The following PARP9 variants were observed in gnomAD, a reference collection of about 807,000 sequenced individuals.
The protein encoded by PARP9 is protein mono-ADP-ribosyltransferase PARP9.
In PARP9, 48 loss-of-function variants were observed where a neutral mutation model predicts 68.8. That is an observed-to-expected ratio of 0.70 (90% confidence interval 0.55 to 0.89). The LOEUF (loss-of-function observed/expected upper bound fraction) is 0.89, where lower values mean the gene tolerates loss of function less well. Ranked by LOEUF, PARP9 falls within the 40% of genes least tolerant of loss-of-function variation. PARP9 has a pLI of 0.00. For missense variants in PARP9, 806 were observed against 969.3 expected (o/e 0.83, Z 2.24); for synonymous variants, 309 against 333.8 (o/e 0.93, Z 0.81).
At position 122,536,251 on chromosome 3, in the gene PARP9, T is replaced by C. The variant is rs558459007; in HGVS notation, c.1997A>G (p.His666Arg). The C allele has an allele frequency of 1.7e-5, 27 of 1,614,220 alleles. No homozygotes were observed. The highest frequency in any genetic ancestry group is 1.6e-4 in the South Asian group (15 of 91,090). Residue 666 changes from histidine (H) to arginine (R), a missense_variant, in exon 10 of 11, where the codon CAT (histidine) becomes CGT (arginine). By Grantham distance (29) the His-to-Arg change is conservative. Around this residue, in one of 2 missense-constraint regions of PARP9, gnomAD observed 680 missense variants for 858.8 expected, o/e 0.79. Coordinates refer to ENST00000682323, the MANE Select transcript of PARP9 (RefSeq NM_001146105.2). The stretch of plus-strand genomic sequence containing the variant: ...GTATGGGACTTGCTGAAACAGCCTA[T>C]GGCTCACAGGTTGCCTGTGCAGTTT... ...EEKLHRQPVS[H>R]RLFQQVPYQF...
intron 3 of PARP9, 135 bp downstream of exon 3, chr3:122,558,299 G>T: frequency 6.2e-7 from 1 of 1,606,686 alleles, no homozygotes; most frequent in Non-Finnish European, 8.5e-7. Flanking sequence ...GCATGTGCGG[G>T]GGTCCCCACA....
At position 122,540,647 on chromosome 3, in the gene PARP9, A is replaced by G. The variant is rs2078133636; in HGVS notation, c.1590T>C (p.Leu530=). The change falls in exon 8 of 11, where the codon CTT becomes CTC. Residue 530 remains leucine (L), a synonymous_variant. Coordinates refer to ENST00000682323, the MANE Select transcript of PARP9 (RefSeq NM_001146105.2). ...GRKEHDILSQ[L]QKTSSVSITE... is the part of the protein sequence containing the mutation. Reference sequence around the variant, plus strand: ...TGATGGAGACACTTGAAGTTTTCTGAAGCTGAGACAAAATGTCATGTTCCT... The same window carrying G: ...TGATGGAGACACTTGAAGTTTTCTGGAGCTGAGACAAAATGTCATGTTCCT... 1 of 1,614,154 alleles carries G rather than the reference A, an allele frequency of 6.2e-7. No individual in the cohort carries two copies. Among genetic ancestry groups the G allele is most frequent in the East Asian group, 2.2e-5 (1 of 44,876 alleles).
At position 122,544,245 on chromosome 3, in the gene PARP9, A is replaced by G. The variant is rs547517448; in HGVS notation, c.1384+1187T>C. ...CATCTCATTCATGAAGCCATTCTTG[A>G]TCTTTTCCAGTCAAAAGGAATCCCT... On this transcript the variant is annotated intron_variant, in intron 7 of 10. Transcript: ENST00000682323. Among the ~76,000 whole-genome samples the G allele has an allele frequency of 2.4e-4, 36 of 152,246 alleles. No individual in the cohort carries two copies. The Middle Eastern group carries it at 0.01, about 43-fold the overall frequency.
chr3:122,543,823 C>G (rs577652178), intron 7 of PARP9, among the ~76,000 whole-genome samples: 65 of 152,208 alleles, frequency 4.3e-4, no homozygotes, highest in African/African-American at 1.6e-3. Flanking sequence ...CTTGCCCAGG[C>G]TGGTCTCGAA....
At chr3:122,547,242 G>A (rs1368936258) in intron 6 of PARP9, among the ~76,000 whole-genome samples, 2 of 149,968 alleles carry the variant, frequency 1.3e-5, no homozygotes, top group African/African-American at 2.5e-5. Context: ...TTACAGGCAC[G>A]TACCACCATG....
chr3:122,558,617 T>A, intron 2 of PARP9, 150 bp from the exon 3 acceptor site: 1 of 900,640 alleles, frequency 1.1e-6, no homozygotes, highest in Non-Finnish European at 1.6e-6. Context: ...TTTTTTTAAA[T>A]CTGCATGCCC....
At chr3:122,564,627 G>A, upstream of PARP9, 1 of 1,578,978 alleles carries the variant, frequency 6.3e-7, no homozygotes, top group Non-Finnish European at 8.6e-7. Flanking sequence ...AGCTTCGGGC[G>A]GCCAGGCTGC....
chr3:122,537,184 G>A (rs1219595895), intron 8 of PARP9, 111 bp from the exon 9 acceptor site: 4 of 1,158,858 alleles, frequency 3.5e-6, no homozygotes, highest in Non-Finnish European at 2.4e-6. Context: ...AGTTTAAATT[G>A]TGTGCCTCAT....
In PARP9 at chr3:122,540,837, CT is replaced by C. The variant is rs1559825979; in HGVS notation, c.1399del (p.Arg467GlufsTer18). 6.2e-7 allele frequency: 1 copy of C among 1,612,932 alleles called. No individual in the cohort carries two copies. The highest frequency in any genetic ancestry group is 2.2e-5 in the East Asian group (1 of 44,838). ...AAGCCCATTTTCTCTTTTCTCCTCT[CT>C]GGTTGACTGGGGGACTGAAATGACT... is the stretch of plus-strand genomic sequence containing the variant. ...LNNYSVPQST[R>X]EEKRENGLEA... On this transcript the variant is annotated frameshift_variant, in exon 8 of 11. Transcript: ENST00000682323. LOFTEE classifies it high-confidence loss of function.
chr3:122,532,945 C>T (rs1009451518), intron 10 of PARP9: 2 of 152,174 alleles, frequency 1.3e-5, no homozygotes, highest in Non-Finnish European at 2.9e-5. Flanking sequence ...GCCTTATATT[C>T]TCTGCTAAGG....
intron 3 of PARP9, among the ~76,000 whole-genome samples, chr3:122,556,721 C>CACA (rs751652335): frequency 8.6e-4 from 131 of 152,208 alleles, no homozygotes; most frequent in Non-Finnish European, 1.7e-3. Context: ...TGTAACTAGG[C>CACA]AGATGGAACT....
chr3:122,539,476 A>ATCTATC (rs532509037), intron 8 of PARP9, among the ~76,000 whole-genome samples: 4 of 150,324 alleles, frequency 2.7e-5, no homozygotes, highest in East Asian at 4.0e-4. Context: ...TGATATCTAT[A>ATCTATC]TCTATCTCTA....
At chr3:122,547,232 T>C (rs1430409375) in intron 6 of PARP9, among the ~76,000 whole-genome samples, 4 of 150,512 alleles carry the variant, frequency 2.7e-5, no homozygotes, top group Admixed American at 1.3e-4. Flanking sequence ...GGAGCTGGGA[T>C]TACAGGCACG....
chr3:122,533,251 A>G (rs571962804), intron 10 of PARP9: 1 of 152,096 alleles, frequency 6.6e-6, no homozygotes, highest in African/African-American at 2.4e-5. Flanking sequence ...GCCTTAGGAA[A>G]CCTGGTAGGT....
upstream of PARP9, chr3:122,564,551 C>A (rs776855757): frequency 6.2e-7 from 1 of 1,610,138 alleles, no homozygotes; most frequent in Admixed American, 1.7e-5. Flanking sequence ...GGGGAGTGCA[C>A]GGTCAGCACC....
intron 4 of PARP9, among the ~76,000 whole-genome samples, chr3:122,552,841 T>C (rs1013651098): frequency 3.3e-5 from 5 of 152,150 alleles, no homozygotes; most frequent in Non-Finnish European, 7.4e-5. Context: ...AATTACATAA[T>C]TCAGAAATTA....
Position 122,558,512 on chromosome 3 carries a change from G to T in PARP9, c.16-45C>A. 2 of 1,607,140 alleles carry T rather than the reference G, an allele frequency of 1.2e-6. 1 individual carries two copies. The highest frequency in any genetic ancestry group is 2.2e-5 in the South Asian group (2 of 90,618). On this transcript the variant is annotated intron_variant, in intron 2 of 10. Transcript: ENST00000682323. ...CTTTCTTAAAAAATGGAAGTGGAAT[G>T]ACTACAGCTTACTGATAACCAATAC...
intron 6 of PARP9, chr3:122,545,745 G>A (rs965569539): frequency 5.5e-5 from 25 of 451,778 alleles, no homozygotes; most frequent in Admixed American, 1.2e-4. Flanking sequence ...TATACATTCC[G>A]AGACAAAATA....
chr3:122,535,487 T>G (rs1038299523), intron 10 of PARP9: 10 of 985,310 alleles, frequency 1.0e-5, no homozygotes, highest in Non-Finnish European at 1.2e-5. Flanking sequence ...CCGCTAAGTA[T>G]CTCTCCATAA....
Sources: gnomAD v4.1 joint callset for allele counts (sites outside exome capture counted in the v4.1 genomes callset) on GRCh38, gnomAD v4.1.1 for gene constraint, gnomAD v4.1.1 regional missense constraint, MANE v1.5 for transcripts, NCBI Gene and HGNC (gene_info 2026-07-23, HGNC 2026-07-21) for gene names.